LMOD1: variants seen among roughly 807,000 people sequenced by gnomAD.
LMOD1 encodes the protein leiomodin-1.
A neutral mutation model predicts 36.5 loss-of-function variants in LMOD1; 8 were observed. That is an observed-to-expected ratio of 0.22 (90% CI 0.13 to 0.40). LMOD1 has a LOEUF of 0.40. Ranked by LOEUF, LMOD1 falls within the 10% of genes least tolerant of loss-of-function variation. The pLI, the probability that LMOD1 is intolerant of heterozygous loss-of-function variation, is 1.00. For synonymous variants in LMOD1, 284 were observed against 288.7 expected, an observed-to-expected ratio of 0.98 and a Z score of 0.17; for missense variants, 630 against 751.1, an observed-to-expected ratio of 0.84 and a Z score of 1.88.
chr1:201,922,415 G>A (rs1681721187), intron 1 of LMOD1, among the ~76,000 whole-genome samples: 1 of 152,116 alleles, frequency 6.6e-6, no homozygotes, highest in Non-Finnish European at 1.5e-5. Flanking sequence ...CCATTAAAAG[G>A]AATAAAGTAC....
At chr1:201,919,408 T>TA (rs1488295125) in intron 1 of LMOD1, among the ~76,000 whole-genome samples, 1 of 152,066 alleles carries the variant, frequency 6.6e-6, no homozygotes, top group African/African-American at 2.4e-5. Flanking sequence ...TTCACCATGT[T>TA]GGCCAGGCTG....
chr1:201,921,686 T>C (rs1236604287), intron 1 of LMOD1, among the ~76,000 whole-genome samples: 3 of 151,346 alleles, frequency 2.0e-5, no homozygotes, highest in Admixed American at 6.6e-5. Flanking sequence ...TATGGCCGGA[T>C]GCAGTGGCTC....
intron 1 of LMOD1, among the ~76,000 whole-genome samples, chr1:201,933,595 T>TA (rs1437458163): frequency 1.9e-3 from 121 of 62,552 alleles, no homozygotes; most frequent in Non-Finnish European, 3.1e-3. Context: ...TATACATACA[T>TA]TATATATATA....
At position 201,940,271 on chromosome 1, in the gene LMOD1, C is replaced by G. The variant is rs542267713; in HGVS notation, c.261+5809G>C. Reference sequence around the variant, plus strand: ...GCACGATCTCGGCTCACTGCAACCTCCATCTCCTGGGTTCAAGGGATTCTC... The same window carrying G: ...GCACGATCTCGGCTCACTGCAACCTGCATCTCCTGGGTTCAAGGGATTCTC... On this transcript the variant is annotated intron_variant, in intron 1 of 2. Coordinates refer to ENST00000367288, the MANE Select transcript of LMOD1 (RefSeq NM_012134.3). 9.3e-5 allele frequency among the ~76,000 whole-genome samples: 14 copies of G among 150,992 alleles called. No individual in the cohort carries two copies. In the South Asian group the frequency reaches 3.0e-3, roughly 32 times the overall value.
intron 1 of LMOD1, among the ~76,000 whole-genome samples, chr1:201,920,659 C>T (rs191652712): frequency 6.6e-6 from 1 of 152,160 alleles, no homozygotes; most frequent in Non-Finnish European, 1.5e-5. Context: ...AGACAGGGAG[C>T]AAACAAGGAT....
chr1:201,945,789 C>T (rs1287288574), intron 1 of LMOD1, among the ~76,000 whole-genome samples: 1 of 152,148 alleles, frequency 6.6e-6, no homozygotes, highest in African/African-American at 2.4e-5. Context: ...ATGGAGTCAA[C>T]TTGACAATGG....
chr1:201,939,138 G>GT lies in LMOD1; in HGVS notation c.261+6941dup, dbSNP rs35833507. Among the ~76,000 whole-genome samples, 140 of 139,802 alleles carry GT rather than the reference G, an allele frequency of 1.0e-3. 1 individual carries two copies. Among genetic ancestry groups the GT allele is most frequent in the East Asian group, 2.0e-3 (9 of 4,552 alleles). The allele number at this position is 139,802 out of a possible 152,430, so 91.7% of individuals were successfully genotyped here. On this transcript the variant is annotated intron_variant, in intron 1 of 2. Coordinates refer to ENST00000367288, the MANE Select transcript of LMOD1 (RefSeq NM_012134.3). ...CATCATTCCTTCACACTCACTGATG[G>GT]TTTTTTTTTTTTTTAATTTCGTGAG... is the stretch of plus-strand genomic sequence containing the variant.
intron 1 of LMOD1, among the ~76,000 whole-genome samples, chr1:201,918,365 T>C (rs1245123293): frequency 2.6e-5 from 4 of 152,218 alleles, no homozygotes; most frequent in African/African-American, 9.6e-5. Flanking sequence ...GAGTGCACTC[T>C]GTCTCCAGAA....
At chr1:201,927,350 G>C (rs949152892) in intron 1 of LMOD1, among the ~76,000 whole-genome samples, 2 of 152,080 alleles carry the variant, frequency 1.3e-5, no homozygotes, top group African/African-American at 2.4e-5. Flanking sequence ...GGAGGATCAC[G>C]AGGTCAGGAG....
chr1:201,931,339 G>A (rs1414522849), intron 1 of LMOD1, among the ~76,000 whole-genome samples: 9 of 152,158 alleles, frequency 5.9e-5, no homozygotes, highest in South Asian at 4.1e-4. Context: ...GTTCGAGACC[G>A]GCCTGGCCAA....
In LMOD1 at chr1:201,903,565, A is replaced by G. The variant is rs550278000; in HGVS notation, c.262-2814T>C. ...GGAGTATGCAAATAGAATGGAAACA[A>G]GGAAACCCAATGGATCAGCCCTTTT... On this transcript the variant is annotated intron_variant, in intron 1 of 2. Coordinates refer to ENST00000367288, the MANE Select transcript of LMOD1 (RefSeq NM_012134.3). 6.6e-5 allele frequency among the ~76,000 whole-genome samples: 10 copies of G among 152,386 alleles called. No homozygotes were observed. In the South Asian group the frequency reaches 2.1e-3, roughly 32 times the overall value.
In LMOD1 at chr1:201,900,138, T is replaced by C. The variant is rs748818678; in HGVS notation, c.875A>G (p.Glu292Gly). The C allele has an allele frequency of 6.2e-7, 1 of 1,613,978 alleles. No homozygotes were observed. Among genetic ancestry groups the C allele is most frequent in the East Asian group, 2.2e-5 (1 of 44,878 alleles). ...GGTGGGGCCACTGGGCGTCTGTTTC[T>C]CGGGTGTTTTGGTCTTGCTGTCATC... ...AKDDSKTKTPEKQTPSGPTKP... is the reference protein window; with the variant it reads ...AKDDSKTKTPGKQTPSGPTKP... Residue 292 changes from glutamate to glycine, a missense_variant, in exon 2 of 3, where the codon GAG becomes GGG. Transcript: ENST00000367288.
rs182167069 is a variant in LMOD1 at position 201,936,060 on chromosome 1, A to T, written c.261+10020T>A. Among the ~76,000 whole-genome samples, 317 of 145,782 alleles carry T rather than the reference A, an allele frequency of 2.2e-3. 1 individual carries two copies. Among genetic ancestry groups the T allele is most frequent in the African/African-American group, 7.8e-3 (307 of 39,214 alleles). Reference sequence around the variant, plus strand: ...AACCCAGGAGGCGGAGGTTGCAGTGAGCCGAGATCACACCATTGCACTCCA... The same window carrying T: ...AACCCAGGAGGCGGAGGTTGCAGTGTGCCGAGATCACACCATTGCACTCCA... On this transcript the variant is annotated intron_variant, in intron 1 of 2. Coordinates refer to ENST00000367288, the MANE Select transcript of LMOD1 (RefSeq NM_012134.3).
In LMOD1 at chr1:201,899,152, T is replaced by C. The variant is rs1681243990; in HGVS notation, c.1776+85A>G. The C allele has an allele frequency of 1.0e-5, 13 of 1,266,422 alleles. No homozygotes were observed. The East Asian group carries it at 3.3e-4, about 32-fold the overall frequency. 78.4% of individuals were successfully genotyped at this position (1,266,422 alleles called of 1,614,324 possible). ...CATCTGCAGCCGACATAAGCTCCTCTGCATGCCTTCCCTTTTGCAGTCCTA... is the reference window on the plus strand; with the variant it reads ...CATCTGCAGCCGACATAAGCTCCTCCGCATGCCTTCCCTTTTGCAGTCCTA... On this transcript the variant is annotated intron_variant, in intron 2 of 2. Transcript: ENST00000367288. The surrounding 1 kb of genome is among the most constrained non-coding windows in gnomAD (Gnocchi z 6.3).
At chr1:201,918,589 C>T (rs946297033) in intron 1 of LMOD1, among the ~76,000 whole-genome samples, 1 of 152,196 alleles carries the variant, frequency 6.6e-6, no homozygotes, top group African/African-American at 2.4e-5. Context: ...TCTCTTGGGT[C>T]TTGTTGCCTA....
In LMOD1 at chr1:201,900,271, T is replaced by A. The variant is rs1681275175; in HGVS notation, c.742A>T (p.Met248Leu). The stretch of plus-strand genomic sequence containing the variant: ...TTTACCTTCTCATCCTCCTTTTTCA[T>A]GTCTGTGTTCCCACCTGCTCTTTTC... ...KMKRAGGNTD[M>L]KKEDEKVKRG... The change falls in exon 2 of 3, where the codon ATG becomes TTG. Residue 248 changes from methionine (M) to leucine (L), a missense_variant. Physicochemically the swap from Met to Leu is conservative, Grantham distance 15 (BLOSUM62 2). Around this residue, in one of 3 missense-constraint regions of LMOD1, gnomAD observed 405 missense variants for 400.6 expected, o/e 1.01. Coordinates refer to ENST00000367288, the MANE Select transcript of LMOD1 (RefSeq NM_012134.3). 2 of 1,613,186 alleles carry A rather than the reference T, an allele frequency of 1.2e-6. No individual in the cohort carries two copies. The highest frequency in any genetic ancestry group is 2.7e-5 in the African/African-American group (2 of 75,026).
Position 201,897,197 on chromosome 1 carries a change from C to CCG in LMOD1, c.*1174_*1175insCG. 2 of 192,048 alleles carry CCG rather than the reference C, an allele frequency of 1.0e-5. No homozygotes were observed. The highest frequency in any genetic ancestry group is 5.3e-5 in the Admixed American group (1 of 18,806). The allele number at this position is 192,048 out of a possible 1,614,324, so 11.9% of individuals were successfully genotyped here. A position where few individuals can be genotyped will look rare whatever the true frequency, so the allele number is the denominator to read the frequency against. On this transcript the variant is annotated 3_prime_UTR_variant, in exon 3 of 3. Transcript: ENST00000367288. ...GCACACAGATATGGGTGCTATTCTC[C>CCG]AAATAGTCACTCCACTTCTCTGCCT...
chr1:201,910,741 A>ATTTTTTT (rs1454275213), intron 1 of LMOD1, among the ~76,000 whole-genome samples: 5 of 28,256 alleles, frequency 1.8e-4, no homozygotes, highest in African/African-American at 3.3e-4. Context: ...AGATGGTGTC[A>ATTTTTTT]TTCTTTTTTT....
rs28541487 is a variant in LMOD1, at chr1:201,901,542, A to G, written c.262-791T>C. ...TATATATATATATGTATATATATAT[A>G]TATATATATACATATATATATGTAT... On this transcript the variant is annotated intron_variant, in intron 1 of 2. Transcript: ENST00000367288. 1.9e-4 allele frequency among the ~76,000 whole-genome samples: 10 copies of G among 53,418 alleles called. 1 individual carries two copies. Among genetic ancestry groups the G allele is most frequent in the African/African-American group, 1.0e-3 (10 of 9,922 alleles). The allele number at this position is 53,418 out of a possible 152,430, so 35.0% of individuals were successfully genotyped here. A position where few individuals can be genotyped will look rare whatever the true frequency, so the allele number is the denominator to read the frequency against.
Sources: gnomAD v4.1 joint callset for allele counts (sites outside exome capture counted in the v4.1 genomes callset) on GRCh38, gnomAD v4.1.1 for gene constraint, gnomAD v4.1.1 regional missense constraint, Gnocchi (gnomAD v3.1) non-coding constraint, MANE v1.5 for transcripts, NCBI Gene and HGNC (gene_info 2026-07-23, HGNC 2026-07-21) for gene names.